Variants in MCPH1 observed in about 807,000 individuals in gnomAD.
The protein encoded by MCPH1 is microcephalin 1, also known as microcephalin.
Under a neutral mutation model 84.5 loss-of-function variants are expected in MCPH1, and 104 were observed. That is an observed-to-expected ratio of 1.23 (90% CI 1.05 to 1.45). The LOEUF (loss-of-function observed/expected upper bound fraction) is 1.45. MCPH1 is among the 40% of genes most tolerant of loss of function. The pLI is 0.00. For missense variants in MCPH1, 1,498 were observed against 1,005.7 expected, an observed-to-expected ratio of 1.49 and a Z score of -6.62; for synonymous variants, 514 against 366.8, an observed-to-expected ratio of 1.40 and a Z score of -4.58.
intron 9 of MCPH1, among the ~76,000 whole-genome samples, chr8:6,468,478 G>A (rs544268685): frequency 1.2e-4 from 19 of 152,242 alleles, no homozygotes; most frequent in African/African-American, 4.1e-4. Flanking sequence ...GCTCCCCAGC[G>A]ACTTCCACAA....
intron 12 of MCPH1, among the ~76,000 whole-genome samples, chr8:6,528,004 T>G (rs971691455): frequency 1.3e-5 from 2 of 152,092 alleles, no homozygotes. Flanking sequence ...CAAGCAATTC[T>G]TCTGCCTCAT....
intron 12 of MCPH1, among the ~76,000 whole-genome samples, chr8:6,568,182 CG>C (rs1483893493): frequency 2.6e-5 from 4 of 152,114 alleles, no homozygotes; most frequent in Non-Finnish European, 4.4e-5. Context: ...GGCCCTAAGG[CG>C]CAAACAAGAA....
chr8:6,485,663 A>T (rs902680289), intron 11 of MCPH1, among the ~76,000 whole-genome samples: 1 of 152,076 alleles, frequency 6.6e-6, no homozygotes, highest in East Asian at 1.9e-4. Flanking sequence ...CTTACTGATG[A>T]TGTCGCTATT....
intron 13 of MCPH1, among the ~76,000 whole-genome samples, chr8:6,636,774 T>C (rs990898929): frequency 1.3e-5 from 2 of 152,204 alleles, no homozygotes; most frequent in African/African-American, 4.8e-5. Flanking sequence ...AGATCTCTCA[T>C]TGTCCATTCC....
chr8:6,589,752 A>G (rs1435599700), intron 12 of MCPH1, among the ~76,000 whole-genome samples: 1 of 152,326 alleles, frequency 6.6e-6, no homozygotes, highest in African/African-American at 2.4e-5. Flanking sequence ...AACCAAATAC[A>G]TTATGTGTAA....
chr8:6,602,182 C>G (rs1416242502), intron 12 of MCPH1, among the ~76,000 whole-genome samples: 1 of 152,334 alleles, frequency 6.6e-6, no homozygotes, highest in Non-Finnish European at 1.5e-5. Context: ...AGCAGAAAGA[C>G]TTAGGAAGGG....
chr8:6,421,841 C>T (rs979256838), intron 3 of MCPH1, among the ~76,000 whole-genome samples: 1 of 152,102 alleles, frequency 6.6e-6, no homozygotes, highest in Non-Finnish European at 1.5e-5. Flanking sequence ...CCCTTGTTTG[C>T]GTCTTCCAAA....
chr8:6,565,942 C>G (rs1446981570), intron 12 of MCPH1, among the ~76,000 whole-genome samples: 1 of 152,102 alleles, frequency 6.6e-6, no homozygotes, highest in Non-Finnish European at 1.5e-5. Flanking sequence ...TTATCGGAAC[C>G]AGAGAGTCAG....
At position 6,474,033 on chromosome 8, in the gene MCPH1, C is replaced by A. The variant is rs183693089; in HGVS notation, c.1936-3561C>A. 4 of 833,794 alleles carry A rather than the reference C, an allele frequency of 4.8e-6. No individual in the cohort carries two copies. The Admixed American group carries it at 5.6e-5, about 12-fold the overall frequency. 51.6% of individuals were successfully genotyped at this position (833,794 alleles called of 1,614,324 possible). ...TCTTTTAGTTTCTTCTCATTATAAC[C>A]CCTCATTTGAAGTATTTCGTACAAT... On this transcript the variant is annotated intron_variant, in intron 9 of 13. Coordinates refer to ENST00000344683, the MANE Select transcript of MCPH1 (RefSeq NM_024596.5).
At chr8:6,483,532 G>C (rs1033112957) in intron 11 of MCPH1, among the ~76,000 whole-genome samples, 4 of 152,150 alleles carry the variant, frequency 2.6e-5, no homozygotes, top group Non-Finnish European at 4.4e-5. Context: ...TTTCACAAAG[G>C]CATGAAGGCA....
intron 13 of MCPH1, chr8:6,626,312 C>T (rs1322144815): frequency 5.1e-6 from 5 of 985,166 alleles, no homozygotes; most frequent in Non-Finnish European, 4.8e-6. Flanking sequence ...TCATCTGCGC[C>T]GCGTTGCCTA....
intron 12 of MCPH1, among the ~76,000 whole-genome samples, chr8:6,614,156 A>C (rs1830565054): frequency 6.6e-6 from 1 of 152,206 alleles, no homozygotes; most frequent in South Asian, 2.1e-4. Context: ...TGTTTTTCCA[A>C]ATGGTGGCCT....
intron 12 of MCPH1, chr8:6,514,762 T>G (rs761227946): frequency 1.8e-5 from 29 of 1,613,970 alleles, no homozygotes; most frequent in Non-Finnish European, 2.4e-5. Flanking sequence ...TCCTCCAGCT[T>G]CCATGTCACA....
At chr8:6,516,675 T>A (rs745369430) in intron 12 of MCPH1, among the ~76,000 whole-genome samples, 2 of 152,252 alleles carry the variant, frequency 1.3e-5, no homozygotes, top group Non-Finnish European at 2.9e-5. Context: ...AGGATTCATG[T>A]ACATATATTG....
rs571454779 is a variant in MCPH1 at position 6,485,817 on chromosome 8, A to G, written c.2136+4941A>G. ...ATATAAATGACACAAACAGATATAA[A>G]TATATGTTTGTGTGATTACAAGGTA... On this transcript the variant is annotated intron_variant, in intron 11 of 13. Transcript: ENST00000344683. Among the ~76,000 whole-genome samples, 4 of 152,290 alleles carry G rather than the reference A, an allele frequency of 2.6e-5. No individual in the cohort carries two copies. In the South Asian group the frequency reaches 8.3e-4, roughly 32 times the overall value.
intron 9 of MCPH1, among the ~76,000 whole-genome samples, chr8:6,460,238 A>G (rs1271787117): frequency 6.6e-6 from 1 of 151,118 alleles, no homozygotes; most frequent in Non-Finnish European, 1.5e-5. Flanking sequence ...TTCCTCTTGT[A>G]TCTCCTTATT....
In MCPH1 at chr8:6,647,321, T is replaced by C. The variant is rs1298762006; in HGVS notation, c.*4272T>C. 6.6e-6 allele frequency: 1 copy of C among 152,228 alleles called. No individual in the cohort carries two copies. The allele number at this position is 152,228 out of a possible 1,614,324, so 9.4% of individuals were successfully genotyped here. ...AGAAACTAGAACTCTCCTACATTGC[T>C]GGCATGAGTGCAAAATGATACAGCC... is the stretch of plus-strand genomic sequence containing the variant. On this transcript the variant is annotated 3_prime_UTR_variant, in exon 14 of 14. Coordinates refer to ENST00000344683, the MANE Select transcript of MCPH1 (RefSeq NM_024596.5).
At chr8:6,417,154 G>T (rs544681173) in intron 3 of MCPH1, among the ~76,000 whole-genome samples, 22 of 152,120 alleles carry the variant, frequency 1.4e-4, no homozygotes, top group African/African-American at 5.3e-4. Flanking sequence ...CATATGATTC[G>T]TTTTTGGCCA....
chr8:6,561,309 G>A (rs11996740), intron 12 of MCPH1, among the ~76,000 whole-genome samples: 18,524 of 152,198 alleles, frequency 0.12, 1,234 homozygotes, highest in South Asian at 0.16. Flanking sequence ...GGTCATTTTG[G>A]TAAGTTTTTG....
Sources: gnomAD v4.1 joint callset for allele counts (sites outside exome capture counted in the v4.1 genomes callset) on GRCh38, gnomAD v4.1.1 for gene constraint, MANE v1.5 for transcripts, NCBI Gene and HGNC (gene_info 2026-07-23, HGNC 2026-07-21) for gene names.